PIDD1: variants seen among roughly 807,000 people sequenced by gnomAD.
PIDD1 encodes p53-induced death domain protein 1.
Under a neutral mutation model 80.0 loss-of-function variants are expected in PIDD1, and 72 were observed. The ratio of observed to expected loss-of-function variants is 0.90; its 90% CI spans 0.74 to 1.09. PIDD1 has a LOEUF of 1.09. Ranked by LOEUF, PIDD1 falls within the 50% of genes least tolerant of loss-of-function variation. PIDD1 has a pLI of 0.00. For synonymous variants in PIDD1, 655 were observed against 543.5 expected (o/e 1.21, Z -2.85); for missense variants, 1,329 against 1,228.3 (o/e 1.08, Z -1.23).
chr11:799,448 G>C lies in PIDD1; in HGVS notation c.2592C>G (p.Asp864Glu). The change falls in exon 16 of 16, where the codon GAC (aspartate) becomes GAG (glutamate). Residue 864 changes from aspartate to glutamate, a missense_variant. By Grantham distance (45) the Asp-to-Glu change is conservative. Coordinates refer to ENST00000347755, the MANE Select transcript of PIDD1 (RefSeq NM_145886.4). ...VQALEQSDRQ[D>E]VAEEVRAVLE... The stretch of plus-strand genomic sequence containing the variant: ...AGACTGCGCGCACCTCTTCAGCCAC[G>C]TCCTGCCGGTCACTCTGCTCCAGGG... 6.2e-7 allele frequency: 1 copy of C among 1,610,486 alleles called. No homozygotes were observed.
Position 804,199 on chromosome 11 carries a change from C to T in PIDD1, c.190G>A (p.Val64Met). 6.2e-7 allele frequency: 1 copy of T among 1,613,340 alleles called. No individual in the cohort carries two copies. Among genetic ancestry groups the T allele is most frequent in the Non-Finnish European group, 8.5e-7 (1 of 1,179,944 alleles). The change falls in exon 2 of 16, where the codon GTG (valine) becomes ATG (methionine). Residue 64 changes from valine to methionine, a missense_variant. Physicochemically the swap from Val to Met is conservative, Grantham distance 21. Coordinates refer to ENST00000347755, the MANE Select transcript of PIDD1 (RefSeq NM_145886.4). ...TGAGTGCTCAGACGCAAGAATTCCACCTGCAGCAGCTGCAGAGGCTGCTGG... is the reference window on the plus strand; with the variant it reads ...TGAGTGCTCAGACGCAAGAATTCCATCTGCAGCAGCTGCAGAGGCTGCTGG... ...CVQQPLQLLQ[V>M]EFLRLSTHED...
chr11:804,747 C>G (rs972313074), intron 1 of PIDD1: 10 of 242,506 alleles, frequency 4.1e-5, no homozygotes, highest in African/African-American at 2.3e-4. Context: ...TCCTGGAAAT[C>G]TGGCCAATGG....
chr11:807,186 T>A (rs1484181956), upstream of PIDD1, among the ~76,000 whole-genome samples: 8 of 107,060 alleles, frequency 7.5e-5, no homozygotes, highest in Non-Finnish European at 1.1e-4. Context: ...TGAGACTCCC[T>A]CTCAAAAAAA....
rs778169509 is a variant in PIDD1, at chr11:800,165, G to A, written c.2240C>T (p.Ala747Val). 8.7e-6 allele frequency: 14 copies of A among 1,610,672 alleles called. No individual in the cohort carries two copies. In the East Asian group the frequency reaches 2.5e-4, roughly 28 times the overall value. Residue 747 changes from alanine (A) to valine (V), a missense_variant, in exon 14 of 16, where the codon GCC (alanine) becomes GTC (valine). Transcript: ENST00000347755. ...GATGGGCAGAGTGGCCATCCACAGGGCGTCTGCGCCCTTCCTCTGCCGGGC... is the reference window on the plus strand; with the variant it reads ...GATGGGCAGAGTGGCCATCCACAGGACGTCTGCGCCCTTCCTCTGCCGGGC... ...EAARQRKGAD[A>V]LWMATLPIKL...
chr11:799,516 G>T lies in PIDD1; in HGVS notation c.2524C>A (p.Arg842Ser). 3 of 1,605,768 alleles carry T rather than the reference G, an allele frequency of 1.9e-6. No individual in the cohort carries two copies. The highest frequency in any genetic ancestry group is 2.5e-6 in the Non-Finnish European group (3 of 1,179,716). ...ACAGCCCCTGGCTGCCCAGCCTGGC[G>T]CTCAGCCCAGGAGAAGAGCATGTGA... ...IRHMLFSWAERQAGQPGAVGL... is the reference protein window; with the variant it reads ...IRHMLFSWAESQAGQPGAVGL... The change falls in exon 16 of 16, where the codon CGC becomes AGC. Residue 842 changes from arginine (R) to serine (S), a missense_variant. Coordinates refer to ENST00000347755, the MANE Select transcript of PIDD1 (RefSeq NM_145886.4).
rs374114935 is a variant in PIDD1 at position 801,159 on chromosome 11, C to T, written c.1631-39G>A. 1.1e-4 allele frequency: 165 copies of T among 1,545,758 alleles called. No homozygotes were observed. The Middle Eastern group carries it at 1.4e-3, about 13-fold the overall frequency. ...GGGCAGCGAGCTGAGGCCTCCTGGC[C>T]GGAGACCCCCTCCACCCTATGGCCA... On this transcript the variant is annotated intron_variant, in intron 9 of 15. Coordinates refer to ENST00000347755, the MANE Select transcript of PIDD1 (RefSeq NM_145886.4).
chr11:806,931 C>G (rs537881451), upstream of PIDD1, among the ~76,000 whole-genome samples: 4 of 152,298 alleles, frequency 2.6e-5, no homozygotes, highest in Admixed American at 1.3e-4. Context: ...GTGGCTTACG[C>G]CAGTAATCCC....
upstream of PIDD1, among the ~76,000 whole-genome samples, chr11:806,471 T>C (rs554539380): frequency 1.3e-5 from 2 of 152,296 alleles, no homozygotes; most frequent in East Asian, 3.9e-4. Flanking sequence ...CGGCTCCTTC[T>C]TCCTTCCATT....
At position 802,970 on chromosome 11, in the gene PIDD1, C is replaced by T. The variant is rs796394750; in HGVS notation, c.710-79G>A. The T allele has an allele frequency of 3.9e-5, 50 of 1,266,654 alleles. No individual in the cohort carries two copies. In the African/African-American group the frequency reaches 5.5e-4, roughly 14 times the overall value. 78.5% of individuals were successfully genotyped at this position (1,266,654 alleles called of 1,614,324 possible). On this transcript the variant is annotated intron_variant, in intron 3 of 15. Transcript: ENST00000347755. Reference sequence around the variant, plus strand: ...ACACTCCTGCTGCCGCCTCCCAGAGCAGCTGTTTCAGACTCTCCTCCACAG... The same window carrying T: ...ACACTCCTGCTGCCGCCTCCCAGAGTAGCTGTTTCAGACTCTCCTCCACAG...
chr11:807,210 G>A (rs182958033), upstream of PIDD1, among the ~76,000 whole-genome samples: 752 of 149,486 alleles, frequency 5.0e-3, 8 homozygotes, highest in African/African-American at 0.018. Flanking sequence ...AAAAAAACAG[G>A]CTGGGCGCTG....
At chr11:803,005 G>C in intron 3 of PIDD1, 114 bp from the exon 4 acceptor site, 1 of 1,079,750 alleles carries the variant, frequency 9.3e-7, no homozygotes, top group East Asian at 2.6e-5. Context: ...GCTGGGCTCA[G>C]AGAACTCTGA....
chr11:802,614 C>T lies in PIDD1; in HGVS notation c.920-17G>A, dbSNP rs748574514. 5.0e-6 allele frequency: 8 copies of T among 1,612,014 alleles called. No individual in the cohort carries two copies. In the Admixed American group the frequency reaches 6.7e-5, roughly 13 times the overall value. On this transcript the variant is annotated splice_polypyrimidine_tract_variant and intron_variant, in intron 4 of 15. Transcript: ENST00000347755. ...GGGCTGCCACTGTGCAGGGGACAGA[C>T]ATGTGCTCAGGACAGTGAGGAGACT...
Position 801,991 on chromosome 11 carries a change from T to C in PIDD1, c.1276A>G (p.Thr426Ala), listed in dbSNP as rs1286126932. Reference protein sequence around the residue: ...RNDNSWGDLETYLEEEAPQRL... With the variant: ...RNDNSWGDLEAYLEEEAPQRL... ...TGGGGTGCCTCTTCCTCCAGGTAGG[T>C]CTCCAGGTCACCCCAGCTGTTGTCA... The change falls in exon 7 of 16, where the codon ACC (threonine) becomes GCC (alanine). Residue 426 changes from threonine to alanine, a missense_variant. Coordinates refer to ENST00000347755, the MANE Select transcript of PIDD1 (RefSeq NM_145886.4). 1 of 1,603,988 alleles carries C rather than the reference T, an allele frequency of 6.2e-7. No homozygotes were observed. Among genetic ancestry groups the C allele is most frequent in the Non-Finnish European group, 8.5e-7 (1 of 1,175,994 alleles).
chr11:801,859 A>T, intron 7 of PIDD1, 106 bp downstream of exon 7: 1 of 1,428,340 alleles, frequency 7.0e-7, no homozygotes, highest in Non-Finnish European at 9.6e-7. Context: ...AGGATCCAGG[A>T]GGGACGGGGC....
intron 2 of PIDD1, 194 bp from the exon 3 acceptor site, chr11:803,781 C>G: frequency 1.5e-6 from 1 of 663,544 alleles, no homozygotes; most frequent in Non-Finnish European, 2.6e-6. Context: ...TGGAGACCAC[C>G]GGCTCATCTC....
chr11:803,932 C>A (rs1011820210), intron 2 of PIDD1, 162 bp downstream of exon 2: 2 of 806,016 alleles, frequency 2.5e-6, no homozygotes, highest in East Asian at 2.7e-5. Context: ...CCGAGGATGG[C>A]GATGGGGCTG....
chr11:799,647 GA>G, intron 15 of PIDD1, 82 bp from the exon 16 acceptor site: 1 of 1,473,138 alleles, frequency 6.8e-7, no homozygotes, highest in Non-Finnish European at 9.0e-7. Flanking sequence ...GAGTGTGGGG[GA>G]GTTCCCGGCT....
Position 803,990 on chromosome 11 carries a change from C to T in PIDD1, c.295+104G>A, listed in dbSNP as rs1043797547. On this transcript the variant is annotated intron_variant, in intron 2 of 15. Coordinates refer to ENST00000347755, the MANE Select transcript of PIDD1 (RefSeq NM_145886.4). ...TTCACACCTGGGGAGCCGGGAGGGG[C>T]GGCCTGGAGCTGGGGCTGGGACTGG... The T allele has an allele frequency of 1.5e-4, 195 of 1,303,020 alleles. No individual in the cohort carries two copies. The East Asian group carries it at 2.3e-3, about 16-fold the overall frequency. 80.7% of individuals were successfully genotyped at this position (1,303,020 alleles called of 1,614,324 possible). A position where few individuals can be genotyped will look rare whatever the true frequency, so the allele number is the denominator to read the frequency against.
rs756838137 is a variant in PIDD1 at position 803,478 on chromosome 11, G to T, written c.405C>A (p.Asn135Lys). Residue 135 changes from asparagine to lysine, a missense_variant, in exon 3 of 16, where the codon AAC (asparagine) becomes AAA (lysine). By Grantham distance (94) the Asn-to-Lys change is moderately conservative. Transcript: ENST00000347755. ...CACAGGCCGGCAGTGTCTCCAGGCTGTTGAAGCTCAGGTCCAGGTGGGCCA... is the reference window on the plus strand; with the variant it reads ...CACAGGCCGGCAGTGTCTCCAGGCTTTTGAAGCTCAGGTCCAGGTGGGCCA... ...AHLAHLDLSFNSLETLPACVL... is the reference protein window; with the variant it reads ...AHLAHLDLSFKSLETLPACVL... The T allele has an allele frequency of 5.6e-6, 9 of 1,613,802 alleles. No individual in the cohort carries two copies. In the Admixed American group the frequency reaches 1.5e-4, roughly 27 times the overall value.
Sources: gnomAD v4.1 joint callset for allele counts (sites outside exome capture counted in the v4.1 genomes callset) on GRCh38, gnomAD v4.1.1 for gene constraint, MANE v1.5 for transcripts, NCBI Gene and HGNC (gene_info 2026-07-23, HGNC 2026-07-21) for gene names.